The following NEK6 variants were observed in gnomAD, a reference collection of about 807,000 sequenced individuals.
NEK6 encodes the protein NIMA related kinase 6.
In NEK6, 27 loss-of-function variants were observed where a neutral mutation model predicts 43.5. That is an observed-to-expected ratio of 0.62 (90% confidence interval 0.46 to 0.86). The LOEUF (loss-of-function observed/expected upper bound fraction) is 0.86. Among genes scored for constraint, NEK6 ranks in the 40% least tolerant of loss-of-function variants. The pLI, the probability that NEK6 is intolerant of heterozygous loss-of-function variation, is 0.00. For missense variants in NEK6, 318 were observed against 414.4 expected (o/e 0.77, Z 2.02); for synonymous variants, 167 against 164.1 (o/e 1.02, Z -0.14).
At position 124,324,745 on chromosome 9, in the gene NEK6, G is replaced by C. The variant is rs1018924197; in HGVS notation, c.406-1585G>C. Among the ~76,000 whole-genome samples the C allele has an allele frequency of 6.6e-6, 1 of 152,152 alleles. No homozygotes were observed. Among genetic ancestry groups the C allele is most frequent in the Non-Finnish European group, 1.5e-5 (1 of 68,034 alleles). On this transcript the variant is annotated intron_variant, in intron 5 of 9. Transcript: ENST00000320246. This position sits in a 1 kb window ranked among gnomAD's most constrained non-coding sequence, Gnocchi z 5.3. ...CTCGAGGGGATTTACGGCGAGGTCA[G>C]GGGCTCCCCACTGCGACTGTCCCAC...
rs1456335117 is a variant in NEK6, at chr9:124,347,723, G to A, written c.732G>A (p.Gln244=). ...GCLLYEMAAL[Q]SPFYGDKMNL... is the part of the protein sequence containing the mutation. ...GTCCCTTGCAGATGGCAGCCCTCCA[G>A]AGCCCCTTCTATGGAGATAAGATGA... Residue 244 remains glutamine, a synonymous_variant, in exon 9 of 10, where the codon CAG becomes CAA. Transcript: ENST00000320246. 3.7e-6 allele frequency: 6 copies of A among 1,604,900 alleles called. No individual in the cohort carries two copies. In the East Asian group the frequency reaches 1.4e-4, roughly 36 times the overall value.
At chr9:124,301,024 A>G (rs1369146223) in intron 1 of NEK6, among the ~76,000 whole-genome samples, 7 of 152,202 alleles carry the variant, frequency 4.6e-5, no homozygotes, top group Admixed American at 1.3e-4. Flanking sequence ...GAGCCCTGGC[A>G]CACAGGAGGT....
chr9:124,338,521 T>TA (rs1287003953), intron 7 of NEK6, among the ~76,000 whole-genome samples: 1 of 152,270 alleles, frequency 6.6e-6, no homozygotes, highest in Admixed American at 6.5e-5. Context: ...TGACTTGCCT[T>TA]TAACTCTGGT....
At position 124,328,730 on chromosome 9, in the gene NEK6, C is replaced by T. The variant is rs551010760; in HGVS notation, c.622+1285C>T. Among the ~76,000 whole-genome samples the T allele has an allele frequency of 2.2e-4, 34 of 152,334 alleles. 1 individual carries two copies. In the South Asian group the frequency reaches 2.7e-3, roughly 12 times the overall value. ...TTCATACAGGTTCCAGAGAGACTCT[C>T]AGCGCGTCACACACACTTAGGAGAA... On this transcript the variant is annotated intron_variant, in intron 7 of 9. Coordinates refer to ENST00000320246, the MANE Select transcript of NEK6 (RefSeq NM_014397.6).
intron 4 of NEK6, among the ~76,000 whole-genome samples, chr9:124,316,233 G>A (rs796282562): frequency 6.6e-6 from 1 of 152,240 alleles, no homozygotes; most frequent in Non-Finnish European, 1.5e-5. Context: ...AAGTGCGGGG[G>A]CTGGTGGGGT....
chr9:124,308,704 T>G, intron 2 of NEK6, among the ~76,000 whole-genome samples: 1 of 147,978 alleles, frequency 6.8e-6, no homozygotes. Flanking sequence ...ATCGGGGTGG[T>G]CGGTCATTAG....
chr9:124,312,181 C>T (rs1833562624), intron 2 of NEK6, among the ~76,000 whole-genome samples: 2 of 152,240 alleles, frequency 1.3e-5, no homozygotes, highest in African/African-American at 4.8e-5. Context: ...ACGGGCAACG[C>T]CCGTGGTCCC....
intron 2 of NEK6, among the ~76,000 whole-genome samples, chr9:124,305,794 A>T (rs1460495163): frequency 6.6e-6 from 1 of 152,168 alleles, no homozygotes; most frequent in Non-Finnish European, 1.5e-5. Context: ...ATAGATGATC[A>T]GGAATTTGGG....
chr9:124,341,122 G>A (rs1193847110), intron 8 of NEK6, among the ~76,000 whole-genome samples: 5 of 152,042 alleles, frequency 3.3e-5, no homozygotes, highest in Admixed American at 6.5e-5. Context: ...GGCTCACTGC[G>A]GCCTCCACCT....
intron 1 of NEK6, among the ~76,000 whole-genome samples, chr9:124,268,419 C>T (rs1023434829): frequency 1.3e-5 from 2 of 152,180 alleles, no homozygotes; most frequent in Admixed American, 1.3e-4. Context: ...CTACTGTGTG[C>T]CAGCCCATAG....
At chr9:124,339,774 C>T (rs974927747) in intron 8 of NEK6, 109 bp downstream of exon 8, 19 of 804,414 alleles carry the variant, frequency 2.4e-5, no homozygotes, top group South Asian at 4.5e-5. Flanking sequence ...AGGAATGTCA[C>T]GTCTGCCTGA....
intron 1 of NEK6, among the ~76,000 whole-genome samples, chr9:124,278,321 G>C (rs767655292): frequency 6.6e-6 from 1 of 152,220 alleles, no homozygotes; most frequent in Non-Finnish European, 1.5e-5. Flanking sequence ...GTCGCTAAGC[G>C]ATGTGTGACT....
chr9:124,316,500 A>AG (rs1187534208), intron 4 of NEK6, among the ~76,000 whole-genome samples: 2 of 152,148 alleles, frequency 1.3e-5, no homozygotes, highest in African/African-American at 4.8e-5. Context: ...CCACCACCAC[A>AG]GCCAGACAAA....
At chr9:124,315,967 C>T (rs1158702690) in intron 4 of NEK6, among the ~76,000 whole-genome samples, 1 of 152,204 alleles carries the variant, frequency 6.6e-6, no homozygotes, top group Non-Finnish European at 1.5e-5. Context: ...GCATGTCTGA[C>T]GAGCTCAGGG....
intron 1 of NEK6, chr9:124,300,202 TCA>T (rs1288720558): frequency 6.6e-6 from 1 of 152,112 alleles, no homozygotes; most frequent in Non-Finnish European, 1.5e-5. Context: ...TCAAAGGGTG[TCA>T]CAGATATCCC....
At chr9:124,273,541 A>G (rs1324740695) in intron 1 of NEK6, among the ~76,000 whole-genome samples, 1 of 152,182 alleles carries the variant, frequency 6.6e-6, no homozygotes, top group Non-Finnish European at 1.5e-5. Context: ...ACCGACAGCC[A>G]GGGTGATGGG....
At chr9:124,269,726 G>C (rs1028624191) in intron 1 of NEK6, among the ~76,000 whole-genome samples, 4 of 152,168 alleles carry the variant, frequency 2.6e-5, no homozygotes, top group African/African-American at 9.7e-5. Context: ...GTGTGGAAGG[G>C]CCACTGCAGC....
rs1342712504 is a variant in NEK6, at chr9:124,326,919, TG to T, written c.515-417del. 2.6e-5 allele frequency among the ~76,000 whole-genome samples: 4 copies of T among 152,118 alleles called. No homozygotes were observed. The highest frequency in any genetic ancestry group is 5.9e-5 in the Non-Finnish European group (4 of 68,006). ...GTTCCTTCACTCTACCTGTATCTCTTGGTGTCTGCTGTATTGGAGGCCCCGC... is the reference window on the plus strand; with the variant it reads ...GTTCCTTCACTCTACCTGTATCTCTTGTGTCTGCTGTATTGGAGGCCCCGC... On this transcript the variant is annotated intron_variant, in intron 6 of 9. Coordinates refer to ENST00000320246, the MANE Select transcript of NEK6 (RefSeq NM_014397.6). This position sits in a 1 kb window ranked among gnomAD's most constrained non-coding sequence, Gnocchi z 4.5.
intron 1 of NEK6, among the ~76,000 whole-genome samples, chr9:124,267,528 G>A (rs992837983): frequency 1.3e-5 from 2 of 152,244 alleles, no homozygotes; most frequent in Non-Finnish European, 2.9e-5. Context: ...ATGAGGACTG[G>A]GTTTTTGTCT....
Sources: gnomAD v4.1 joint callset for allele counts (sites outside exome capture counted in the v4.1 genomes callset) on GRCh38, gnomAD v4.1.1 for gene constraint, Gnocchi (gnomAD v3.1) non-coding constraint, MANE v1.5 for transcripts, NCBI Gene and HGNC (gene_info 2026-07-23, HGNC 2026-07-21) for gene names.